The following TNC variants were observed in gnomAD, a reference collection of about 807,000 sequenced individuals.
TNC encodes tenascin.
In TNC, 109 loss-of-function variants were observed where a neutral mutation model predicts 202.4. The ratio of observed to expected loss-of-function variants is 0.54; its 90% CI spans 0.46 to 0.63. TNC has a LOEUF of 0.63. Among genes scored for constraint, TNC ranks in the 30% least tolerant of loss-of-function variants. The pLI is 0.00. For synonymous variants in TNC, 1,007 were observed against 1,089.7 expected, an observed-to-expected ratio of 0.92 and a Z score of 1.50; for missense variants, 2,756 against 2,833.3, an observed-to-expected ratio of 0.97 and a Z score of 0.62.
chr9:115,076,572 A>G lies in TNC; in HGVS notation c.2678T>C (p.Leu893Pro). ...ACGTCGAAGATTCCTGGGAGCATCGAGGCCTGTTTGAGAGAAGGAACATTT... is the reference window on the plus strand; with the variant it reads ...ACGTCGAAGATTCCTGGGAGCATCGGGGCCTGTTTGAGAGAAGGAACATTT... Reference protein sequence around the residue: ...NPAKETFTTGLDAPRNLRRVS... With the variant: ...NPAKETFTTGPDAPRNLRRVS... The change falls in exon 8 of 28, where the codon CTC becomes CCC. Residue 893 changes from leucine (L) to proline (P), a missense_variant. Physicochemically the swap from Leu to Pro is moderately conservative, Grantham distance 98 (BLOSUM62 -3). Transcript: ENST00000350763. 1 of 1,614,098 alleles carries G rather than the reference A, an allele frequency of 6.2e-7. No homozygotes were observed.
chr9:115,073,667 A>G lies in TNC; in HGVS notation c.3150T>C (p.Asn1050=). 6.2e-7 allele frequency: 1 copy of G among 1,614,132 alleles called. No homozygotes were observed. The highest frequency in any genetic ancestry group is 1.1e-5 in the South Asian group (1 of 91,084). The change falls in exon 10 of 28, where the codon AAT becomes AAC. Residue 1050 remains asparagine (N), a synonymous_variant. Transcript: ENST00000350763. ...LRGLEPGQEY[N]VLLTAEKGRH... Reference sequence around the variant, plus strand: ...TGCCTTTCTCGGCTGTCAGGAGGACATTGTACTCCTGTCCTGGTTCCAGGC... The same window carrying G: ...TGCCTTTCTCGGCTGTCAGGAGGACGTTGTACTCCTGTCCTGGTTCCAGGC...
At chr9:115,038,046 G>T (rs1830461554) in intron 20 of TNC, among the ~76,000 whole-genome samples, 1 of 152,218 alleles carries the variant, frequency 6.6e-6, no homozygotes, top group South Asian at 2.1e-4. Flanking sequence ...AAAACATGTA[G>T]AGGCTGGAGA....
At chr9:115,110,326 G>C (rs529741949) in intron 1 of TNC, among the ~76,000 whole-genome samples, 6 of 152,152 alleles carry the variant, frequency 3.9e-5, no homozygotes, top group Non-Finnish European at 8.8e-5. Context: ...AGAATATCTG[G>C]ACTTTTTTGC....
intron 13 of TNC, among the ~76,000 whole-genome samples, chr9:115,061,507 C>T (rs187450640): frequency 6.6e-6 from 1 of 152,310 alleles, no homozygotes; most frequent in African/African-American, 2.4e-5. Context: ...CCACACCTGT[C>T]TCAAAGGCCC....
At chr9:115,040,838 G>T in intron 19 of TNC, 103 bp downstream of exon 19, 1 of 1,404,646 alleles carries the variant, frequency 7.1e-7, no homozygotes, top group South Asian at 1.6e-5. Context: ...TCCAGCTGCT[G>T]AGTCATGAGC....
chr9:115,065,064 G>T (rs1832841626), intron 10 of TNC, 145 bp from the exon 11 acceptor site: 2 of 868,952 alleles, frequency 2.3e-6, no homozygotes, highest in Non-Finnish European at 3.5e-6. Flanking sequence ...CCCTACTGGT[G>T]CTGTCCCTAT....
intron 1 of TNC, among the ~76,000 whole-genome samples, chr9:115,116,131 G>T (rs992729195): frequency 3.9e-5 from 6 of 152,196 alleles, no homozygotes; most frequent in African/African-American, 1.4e-4. Context: ...TTATATGAAT[G>T]ACAAAGTTGA....
intron 5 of TNC, 147 bp from the exon 6 acceptor site, chr9:115,082,075 C>CTTACA: frequency 2.8e-6 from 2 of 713,344 alleles, no homozygotes; most frequent in Non-Finnish European, 4.4e-6. Context: ...AGTATGTAAG[C>CTTACA]TACTGAGGAT....
chr9:115,042,276 T>G lies in TNC; in HGVS notation c.5191A>C (p.Arg1731=), dbSNP rs1183022391. 4 of 1,613,994 alleles carry G rather than the reference T, an allele frequency of 2.5e-6. No individual in the cohort carries two copies. The highest frequency in any genetic ancestry group is 2.5e-6 in the Non-Finnish European group (3 of 1,179,992). Residue 1731 remains arginine, a synonymous_variant, in exon 18 of 28, where the codon AGG becomes CGG. Coordinates refer to ENST00000350763, the MANE Select transcript of TNC (RefSeq NM_002160.4). ...CTCTCCACTTGGGCTGTGGGTGCCC[T>G]CCAGCTGACAGTAGCCGAATTTTCA... The part of the protein sequence containing the change: ...ITENSATVSW[R]APTAQVESFR...
chr9:115,112,940 G>T (rs1052583144), intron 1 of TNC, among the ~76,000 whole-genome samples: 1 of 152,254 alleles, frequency 6.6e-6, no homozygotes, highest in Non-Finnish European at 1.5e-5. Flanking sequence ...GGCAGCACTT[G>T]CTTATGTGTG....
chr9:115,086,182 C>T lies in TNC; in HGVS notation c.1549G>A (p.Val517Ile), dbSNP rs765997924. The T allele has an allele frequency of 2.4e-5, 38 of 1,613,938 alleles. No homozygotes were observed. Among genetic ancestry groups the T allele is most frequent in the Admixed American group, 6.7e-5 (4 of 60,004 alleles). ...GGGCCGGTGAAGCCGTCCTCACAGA[C>T]GCACTGTCCGTCCACACAGAGGCCC... The part of the protein sequence containing the change: ...NRGLCVDGQC[V>I]CEDGFTGPDC... Residue 517 changes from valine to isoleucine, a missense_variant, in exon 3 of 28, where the codon GTC becomes ATC. This residue lies in a region of TNC where 2,559 missense variants were observed against 2,546.0 expected (regional missense o/e 1.01). Coordinates refer to ENST00000350763, the MANE Select transcript of TNC (RefSeq NM_002160.4).
At chr9:115,034,247 C>A (rs1206122265) in intron 22 of TNC, among the ~76,000 whole-genome samples, 1 of 152,160 alleles carries the variant, frequency 6.6e-6, no homozygotes, top group African/African-American at 2.4e-5. Flanking sequence ...AGTGAGAGGC[C>A]AGGTTTTATG....
chr9:115,064,647 C>T lies in TNC; in HGVS notation c.3487G>A (p.Gly1163Arg). The change falls in exon 11 of 28, where the codon GGG becomes AGG. Residue 1163 changes from glycine to arginine, a missense_variant and splice_region_variant. Physicochemically the swap from Gly to Arg is moderately radical, Grantham distance 125 (BLOSUM62 -2). Coordinates refer to ENST00000350763, the MANE Select transcript of TNC (RefSeq NM_002160.4). ...TPVLSAEAST[G>R]ETPNLGEVVV... ...CTATAAATAGAAAGGAAAGAGATAC[C>T]TGTGGAGGCCTCAGCAGAGAGCACT... 6.3e-7 allele frequency: 1 copy of T among 1,598,378 alleles called. No homozygotes were observed. The highest frequency in any genetic ancestry group is 8.6e-7 in the Non-Finnish European group (1 of 1,168,736).
At position 115,115,820 on chromosome 9, in the gene TNC, G is replaced by T. The variant is rs867680518; in HGVS notation, c.-137+2162C>A. ...TGTCCCAGAGGCTAAGAGCAAAGGTGTAAGTTTTAGACCTTGTGACCCCAC... is the reference window on the plus strand; with the variant it reads ...TGTCCCAGAGGCTAAGAGCAAAGGTTTAAGTTTTAGACCTTGTGACCCCAC... On this transcript the variant is annotated intron_variant, in intron 1 of 27. Coordinates refer to ENST00000350763, the MANE Select transcript of TNC (RefSeq NM_002160.4). Among the ~76,000 whole-genome samples the T allele has an allele frequency of 5.9e-5, 9 of 152,248 alleles. No homozygotes were observed. The South Asian group carries it at 6.2e-4, about 11-fold the overall frequency.
rs761100812 is a variant in TNC, at chr9:115,086,986, G to A, written c.745C>T (p.Arg249Cys). ...FEGYAGADCS[R>C]EICPVPCSEE... ...CTGCAGGGCACTGGGCAGATTTCAC[G>A]GCTGCAGTCAGCCCCGGCGTAGCCT... The change falls in exon 3 of 28, where the codon CGT (arginine) becomes TGT (cysteine). Residue 249 changes from arginine (R) to cysteine (C), a missense_variant. Around this residue, in one of 2 missense-constraint regions of TNC, gnomAD observed 2,559 missense variants for 2,546.0 expected, o/e 1.01. Coordinates refer to ENST00000350763, the MANE Select transcript of TNC (RefSeq NM_002160.4). 1.8e-5 allele frequency: 29 copies of A among 1,614,026 alleles called. No homozygotes were observed. The highest frequency in any genetic ancestry group is 8.9e-5 in the East Asian group (4 of 44,890).
chr9:115,087,599 T>C (rs1386478748), intron 2 of TNC, among the ~76,000 whole-genome samples: 1 of 151,932 alleles, frequency 6.6e-6, no homozygotes, highest in Non-Finnish European at 1.5e-5. Context: ...TCATAGTTTT[T>C]GTCACATTTT....
intron 9 of TNC, among the ~76,000 whole-genome samples, chr9:115,075,311 G>A (rs562438247): frequency 7.3e-4 from 111 of 152,242 alleles, no homozygotes; most frequent in Admixed American, 2.5e-3. Context: ...TGCAGGGCCT[G>A]GACTTAAACT....
In TNC at chr9:115,062,449, A is replaced by G. The variant is rs930038247; in HGVS notation, c.4033+468T>C. ...TGGTGAAACTCCATCTCTACAAAAAATACAAAAAACTTAGCTGAGTGTGGT... is the reference window on the plus strand; with the variant it reads ...TGGTGAAACTCCATCTCTACAAAAAGTACAAAAAACTTAGCTGAGTGTGGT... On this transcript the variant is annotated intron_variant, in intron 13 of 27. Coordinates refer to ENST00000350763, the MANE Select transcript of TNC (RefSeq NM_002160.4). Among the ~76,000 whole-genome samples, 4 of 152,162 alleles carry G rather than the reference A, an allele frequency of 2.6e-5. No individual in the cohort carries two copies. In the East Asian group the frequency reaches 7.7e-4, roughly 29 times the overall value.
At chr9:115,113,705 G>A (rs1837246940) in intron 1 of TNC, among the ~76,000 whole-genome samples, 1 of 152,134 alleles carries the variant, frequency 6.6e-6, no homozygotes, top group East Asian at 1.9e-4. Flanking sequence ...TGAACTTCAG[G>A]AAACTTCAAA....
Sources: allele counts gnomAD v4.1 joint callset (sites outside exome capture counted in the v4.1 genomes callset), GRCh38; gene constraint gnomAD v4.1.1; regional missense constraint gnomAD v4.1.1; transcripts MANE v1.5; gene names NCBI Gene and HGNC (gene_info 2026-07-23, HGNC 2026-07-21).